PCP4L1: variants seen among roughly 807,000 people sequenced by gnomAD.
PCP4L1 encodes the protein Purkinje cell protein 4-like protein 1.
A neutral mutation model predicts 9.6 loss-of-function variants in PCP4L1; 9 were observed. The observed-to-expected ratio is 0.94, with a 90% CI of 0.57 to 1.64. The LOEUF is 1.64. Among genes scored for constraint, PCP4L1 ranks in the 40% most tolerant of loss-of-function variants. The probability of loss-of-function intolerance (pLI) is 0.00; values close to 1 mark genes in which losing one functional copy is unlikely to be tolerated. For missense variants in PCP4L1, 81 were observed against 80.8 expected, an observed-to-expected ratio of 1.00 and a Z score of -0.01; for synonymous variants, 31 against 28.2, an observed-to-expected ratio of 1.10 and a Z score of -0.31.
intron 1 of PCP4L1, among the ~76,000 whole-genome samples, chr1:161,275,677 G>A (rs1245825526): frequency 7.2e-5 from 11 of 152,004 alleles, no homozygotes; most frequent in Non-Finnish European, 1.6e-4. Context: ...TGGCAAAAGA[G>A]AGCATAGGAT....
intron 1 of PCP4L1, among the ~76,000 whole-genome samples, chr1:161,268,795 C>T (rs979010647): frequency 5.3e-5 from 8 of 152,152 alleles, no homozygotes; most frequent in African/African-American, 1.4e-4. Context: ...ATGATCCACC[C>T]GCCTTGGGCT....
Position 161,284,591 on chromosome 1 carries a change from T to G in PCP4L1, c.*110T>G. The G allele has an allele frequency of 7.1e-7, 1 of 1,412,018 alleles. No homozygotes were observed. Among genetic ancestry groups the G allele is most frequent in the Non-Finnish European group, 9.6e-7 (1 of 1,043,522 alleles). 87.5% of individuals were successfully genotyped at this position (1,412,018 alleles called of 1,614,324 possible). A position where few individuals can be genotyped will look rare whatever the true frequency, so the allele number is the denominator to read the frequency against. ...CCTCTAGCCTTTCCTTGAGGCAAGT[T>G]CAACCTTTATATACTCTTGTATCTG... On this transcript the variant is annotated 3_prime_UTR_variant, in exon 3 of 3. Coordinates refer to ENST00000504449, the MANE Select transcript of PCP4L1 (RefSeq NM_001102566.2).
chr1:161,262,433 C>CAAAA (rs539872397), intron 1 of PCP4L1, among the ~76,000 whole-genome samples: 17 of 63,064 alleles, frequency 2.7e-4, no homozygotes, highest in African/African-American at 4.0e-4. Flanking sequence ...GACTCCATCT[C>CAAAA]AAAAAAAAAA....
At chr1:161,262,326 CG>C (rs779271090) in intron 1 of PCP4L1, among the ~76,000 whole-genome samples, 13 of 144,936 alleles carry the variant, frequency 9.0e-5, no homozygotes, top group Non-Finnish European at 1.6e-4. Flanking sequence ...CCCAGCTACT[CG>C]GGAGGCTGAG....
chr1:161,268,551 C>CTTTTTTTTTTTTTTTT (rs10654377), intron 1 of PCP4L1, among the ~76,000 whole-genome samples: 2 of 114,056 alleles, frequency 1.8e-5, no homozygotes, highest in African/African-American at 6.9e-5. Context: ...TTCCTTTTAC[C>CTTTTTTTTTTTTTTTT]TTTTTTTTTT....
At chr1:161,273,071 A>T (rs755856171) in intron 1 of PCP4L1, among the ~76,000 whole-genome samples, 19 of 152,184 alleles carry the variant, frequency 1.2e-4, no homozygotes, top group Non-Finnish European at 2.6e-4. Flanking sequence ...CTTCTTCCCC[A>T]TGGGAAGGGA....
chr1:161,281,296 C>T (rs925984203), intron 1 of PCP4L1, among the ~76,000 whole-genome samples: 5 of 152,286 alleles, frequency 3.3e-5, no homozygotes, highest in African/African-American at 1.2e-4. Flanking sequence ...CCACCTTTCC[C>T]CCTTTTCTAT....
chr1:161,262,325 T>G (rs112265540), intron 1 of PCP4L1, among the ~76,000 whole-genome samples: 2,237 of 149,258 alleles, frequency 0.015, 22 homozygotes, highest in Non-Finnish European at 0.025. Context: ...TCCCAGCTAC[T>G]CGGGAGGCTG....
At chr1:161,282,533 A>G (rs913492397) in intron 1 of PCP4L1, among the ~76,000 whole-genome samples, 2 of 152,152 alleles carry the variant, frequency 1.3e-5, no homozygotes, top group Admixed American at 1.3e-4. Flanking sequence ...ATTCAGTCTC[A>G]TGGCTTTAAA....
chr1:161,274,778 AAG>A (rs1405870220), intron 1 of PCP4L1, among the ~76,000 whole-genome samples: 1 of 152,088 alleles, frequency 6.6e-6, no homozygotes, highest in African/African-American at 2.4e-5. Context: ...CTAAATCCAG[AAG>A]AGTGTCCAGA....
At chr1:161,269,265 G>T (rs1669584058) in intron 1 of PCP4L1, among the ~76,000 whole-genome samples, 1 of 152,016 alleles carries the variant, frequency 6.6e-6, no homozygotes, top group African/African-American at 2.4e-5. Context: ...GGAAGGGGGG[G>T]TAAGACATTA....
At chr1:161,267,918 G>A (rs1326159411) in intron 1 of PCP4L1, among the ~76,000 whole-genome samples, 1 of 152,066 alleles carries the variant, frequency 6.6e-6, no homozygotes, top group Non-Finnish European at 1.5e-5. Flanking sequence ...TCACCATGTT[G>A]GCCAGGCTGG....
At chr1:161,265,868 G>T (rs12754503) in intron 1 of PCP4L1, among the ~76,000 whole-genome samples, 7,488 of 150,488 alleles carry the variant, frequency 0.05, 247 homozygotes, top group Non-Finnish European at 0.072. Flanking sequence ...CTCCCAAGTA[G>T]CTGGGATTAC....
chr1:161,260,715 C>T (rs1039828431), intron 1 of PCP4L1, among the ~76,000 whole-genome samples: 16 of 152,120 alleles, frequency 1.1e-4, no homozygotes, highest in Non-Finnish European at 1.6e-4. Context: ...AAGCCAAGTC[C>T]GCTCCCTCCT....
chr1:161,259,542 T>C (rs1338742303), intron 1 of PCP4L1, among the ~76,000 whole-genome samples: 1 of 152,192 alleles, frequency 6.6e-6, no homozygotes, highest in Admixed American at 6.5e-5. Flanking sequence ...GCTGGGGAGA[T>C]TTCCCCTTCA....
chr1:161,260,298 G>A (rs1301131354), intron 1 of PCP4L1, among the ~76,000 whole-genome samples: 1 of 152,204 alleles, frequency 6.6e-6, no homozygotes, highest in African/African-American at 2.4e-5. Flanking sequence ...AATTCGGCTA[G>A]TCTGGGGGCT....
chr1:161,277,329 A>C (rs1037616012), intron 1 of PCP4L1, among the ~76,000 whole-genome samples: 12 of 152,194 alleles, frequency 7.9e-5, no homozygotes, highest in Non-Finnish European at 1.2e-4. Flanking sequence ...GGTCTTATGG[A>C]GACAGTACAG....
Position 161,285,383 on chromosome 1 carries a change from A to G in PCP4L1, c.*902A>G, listed in dbSNP as rs964591542. ...AGGGCAAAAGTGGAATAGCCACTCC[A>G]TGTGATTTTAGCATGTTTAATCATT... On this transcript the variant is annotated 3_prime_UTR_variant, in exon 3 of 3. Coordinates refer to ENST00000504449, the MANE Select transcript of PCP4L1 (RefSeq NM_001102566.2). The G allele has an allele frequency of 3.3e-5, 5 of 152,316 alleles. No individual in the cohort carries two copies. The highest frequency in any genetic ancestry group is 7.2e-5 in the African/African-American group (3 of 41,444). The allele number at this position is 152,316 out of a possible 1,614,324, so 9.4% of individuals were successfully genotyped here.
intron 1 of PCP4L1, among the ~76,000 whole-genome samples, chr1:161,278,234 T>C (rs993267315): frequency 1.3e-5 from 2 of 152,084 alleles, no homozygotes; most frequent in African/African-American, 4.8e-5. Context: ...TACTGAAAAA[T>C]ATACAGGCAG....
Sources: allele counts gnomAD v4.1 joint callset (sites outside exome capture counted in the v4.1 genomes callset), GRCh38; gene constraint gnomAD v4.1.1; transcripts MANE v1.5; gene names NCBI Gene and HGNC (gene_info 2026-07-23, HGNC 2026-07-21).